SLC37A1: variants seen among roughly 807,000 people sequenced by gnomAD.
SLC37A1 encodes solute carrier family 37 member 1.
In SLC37A1, 49 loss-of-function variants were observed where a neutral mutation model predicts 75.3. The ratio of observed to expected loss-of-function variants is 0.65; its 90% CI spans 0.52 to 0.83. The LOEUF (loss-of-function observed/expected upper bound fraction) is 0.83, where lower values mean the gene tolerates loss of function less well. Ranked by LOEUF, SLC37A1 falls within the 40% of genes least tolerant of loss-of-function variation. The probability of loss-of-function intolerance (pLI) is 0.00; values close to 1 mark genes in which losing one functional copy is unlikely to be tolerated. For missense variants in SLC37A1, 566 were observed against 695.0 expected (o/e 0.81, Z 2.09); for synonymous variants, 268 against 292.1 (o/e 0.92, Z 0.84).
At chr21:42,554,251 T>A in intron 10 of SLC37A1, 109 bp downstream of exon 10, 1 of 927,660 alleles carries the variant, frequency 1.1e-6, no homozygotes, top group Non-Finnish European at 1.6e-6. Context: ...GTCACAAACA[T>A]CCAGGTCTTA....
upstream of SLC37A1, among the ~76,000 whole-genome samples, chr21:42,511,316 G>GT (rs2054430667): frequency 6.6e-6 from 1 of 152,110 alleles, no homozygotes; most frequent in East Asian, 1.9e-4. Flanking sequence ...ATACCAAAAC[G>GT]TATGGGATGC....
At chr21:42,507,332 G>A (rs901379797) in intron 2 of SLC37A1, among the ~76,000 whole-genome samples, 3 of 152,204 alleles carry the variant, frequency 2.0e-5, no homozygotes, top group Non-Finnish European at 2.9e-5. Flanking sequence ...CAGGGCATGC[G>A]CCTTCTGATG....
chr21:42,531,747 T>C (rs1601693108), intron 3 of SLC37A1, among the ~76,000 whole-genome samples: 1 of 151,376 alleles, frequency 6.6e-6, no homozygotes, highest in East Asian at 1.9e-4. Flanking sequence ...AACGCCACGT[T>C]TGGGGGATAA....
At chr21:42,567,284 A>G (rs1280931565) in intron 16 of SLC37A1, among the ~76,000 whole-genome samples, 1 of 152,218 alleles carries the variant, frequency 6.6e-6, no homozygotes, top group Non-Finnish European at 1.5e-5. Flanking sequence ...GCACAACAAA[A>G]GGCTCTTGGG....
At position 42,546,551 on chromosome 21, in the gene SLC37A1, C is replaced by T. The variant is rs115320962; in HGVS notation, c.731-552C>T. ...ATGCTCTGCTTGTGATTATTGGCCA[C>T]GCTGGGAAGTATTTTCCATATTTAA... On this transcript the variant is annotated intron_variant, in intron 8 of 19. Coordinates refer to ENST00000352133, the MANE Select transcript of SLC37A1 (RefSeq NM_001320537.2). 1.6e-3 allele frequency among the ~76,000 whole-genome samples: 248 copies of T among 152,288 alleles called. 3 individuals carry two copies. The highest frequency in any genetic ancestry group is 5.4e-3 in the African/African-American group (226 of 41,562).
At chr21:42,509,404 T>A (rs9984443), upstream of SLC37A1, 49,862 of 152,074 alleles carry the variant, frequency 0.33, 9,672 homozygotes, top group Admixed American at 0.54. This position sits in a 1 kb window ranked among gnomAD's most constrained non-coding sequence, Gnocchi z 4.2. Context: ...AGGAGGAGAA[T>A]TCTTTGGAGG....
Position 42,567,117 on chromosome 21 carries a change from A to G in SLC37A1, c.1344+59A>G, listed in dbSNP as rs1276821397. The G allele has an allele frequency of 2.5e-6, 4 of 1,571,846 alleles. No individual in the cohort carries two copies. The African/African-American group carries it at 5.4e-5, about 21-fold the overall frequency. ...GGCACCCTGCCATGTGCCATTCATGACAAAAGTGGCCTCCATTACTGTTAG... is the reference window on the plus strand; with the variant it reads ...GGCACCCTGCCATGTGCCATTCATGGCAAAAGTGGCCTCCATTACTGTTAG... On this transcript the variant is annotated intron_variant, in intron 16 of 19. Coordinates refer to ENST00000352133, the MANE Select transcript of SLC37A1 (RefSeq NM_001320537.2).
intron 6 of SLC37A1, among the ~76,000 whole-genome samples, chr21:42,540,576 C>T (rs909833653): frequency 2.0e-5 from 3 of 152,136 alleles, no homozygotes; most frequent in Non-Finnish European, 4.4e-5. Flanking sequence ...CTGAGGACAG[C>T]GCGCGCTGGC....
At chr21:42,574,054 C>T (rs2056252337) in intron 17 of SLC37A1, among the ~76,000 whole-genome samples, 2 of 152,120 alleles carry the variant, frequency 1.3e-5, no homozygotes, top group Admixed American at 1.3e-4. Context: ...CACATATATG[C>T]ACACACACAT....
intron 10 of SLC37A1, among the ~76,000 whole-genome samples, chr21:42,555,926 G>C (rs1386045344): frequency 6.6e-6 from 1 of 152,240 alleles, no homozygotes; most frequent in East Asian, 1.9e-4. Flanking sequence ...TCTTGGGTCA[G>C]GGTAGGCGGG....
rs1235379721 is a variant in SLC37A1 at position 42,543,419 on chromosome 21, G to A, written c.564-17G>A. On this transcript the variant is annotated splice_polypyrimidine_tract_variant and intron_variant, in intron 7 of 19. Transcript: ENST00000352133. The stretch of plus-strand genomic sequence containing the variant: ...TTCTCAGCTCCATCTTCTGTCTTCT[G>A]TTTTGTTGTGCTGCAGGAGAGGTTT... 3.7e-6 allele frequency: 6 copies of A among 1,614,188 alleles called. No individual in the cohort carries two copies. Among genetic ancestry groups the A allele is most frequent in the Non-Finnish European group, 5.1e-6 (6 of 1,180,018 alleles).
At chr21:42,573,675 A>G (rs1028617891) in intron 17 of SLC37A1, among the ~76,000 whole-genome samples, 4 of 152,208 alleles carry the variant, frequency 2.6e-5, no homozygotes, top group African/African-American at 9.7e-5. Context: ...AACACTTGAA[A>G]AAAACAAGTG....
Position 42,570,229 on chromosome 21 carries a change from CCATGT to C in SLC37A1, c.1423+1797_1423+1801del, listed in dbSNP as rs1416161692. On this transcript the variant is annotated intron_variant, in intron 17 of 19. Coordinates refer to ENST00000352133, the MANE Select transcript of SLC37A1 (RefSeq NM_001320537.2). ...GAAGCGGCAGGCAGGGTGGCCGTTGCCATGTCATGTGACACACGGCCTGGTTCTGA... is the reference window on the plus strand; with the variant it reads ...GAAGCGGCAGGCAGGGTGGCCGTTGCCATGTGACACACGGCCTGGTTCTGA... 4.4e-3 allele frequency among the ~76,000 whole-genome samples: 390 copies of C among 88,422 alleles called. 56 individuals carry two copies. The highest frequency in any genetic ancestry group is 0.017 in the South Asian group (47 of 2,766). 58.0% of individuals were successfully genotyped at this position (88,422 alleles called of 152,430 possible).
Position 42,567,070 on chromosome 21 carries a change from C to T in SLC37A1, c.1344+12C>T, listed in dbSNP as rs116431458. ...TCTCCGCCGACCTGGTGAGTAGAAC[C>T]GGGAGAGACACCAGCCCTGTGGGCA... On this transcript the variant is annotated intron_variant, in intron 16 of 19. Coordinates refer to ENST00000352133, the MANE Select transcript of SLC37A1 (RefSeq NM_001320537.2). 419 of 1,608,338 alleles carry T rather than the reference C, an allele frequency of 2.6e-4. No individual in the cohort carries two copies. In the African/African-American group the frequency reaches 3.3e-3, roughly 13 times the overall value.
intron 6 of SLC37A1, 36 bp downstream of exon 6, chr21:42,539,683 G>A (rs2055226129): frequency 1.9e-6 from 3 of 1,591,142 alleles, no homozygotes; most frequent in Admixed American, 1.8e-5. Context: ...CATGTACGGG[G>A]TTTCCTTGGT....
upstream of SLC37A1, among the ~76,000 whole-genome samples, chr21:42,511,078 CAT>C (rs1379084658): frequency 6.6e-6 from 1 of 152,178 alleles, no homozygotes; most frequent in African/African-American, 2.4e-5. Flanking sequence ...TAGGATAGAT[CAT>C]ATGTTAGGCC....
At chr21:42,511,725 A>C (rs1369018056), upstream of SLC37A1, among the ~76,000 whole-genome samples, 13 of 152,236 alleles carry the variant, frequency 8.5e-5, no homozygotes, top group Admixed American at 7.2e-4. Flanking sequence ...TCAAGGCTGC[A>C]GTGAGCCTTG....
At chr21:42,513,610 C>T (rs1433007830), upstream of SLC37A1, among the ~76,000 whole-genome samples, 1 of 151,624 alleles carries the variant, frequency 6.6e-6, no homozygotes, top group Admixed American at 6.6e-5. Context: ...CGTGCGCCCT[C>T]GGAGCCGGGG....
chr21:42,572,244 C>A (rs2056191391), intron 17 of SLC37A1, among the ~76,000 whole-genome samples: 1 of 151,302 alleles, frequency 6.6e-6, no homozygotes, highest in African/African-American at 2.4e-5. Flanking sequence ...TCTCTTAGAT[C>A]TCCAGGTTCC....
Sources: allele counts gnomAD v4.1 joint callset (sites outside exome capture counted in the v4.1 genomes callset), GRCh38; gene constraint gnomAD v4.1.1; non-coding constraint Gnocchi (gnomAD v3.1); transcripts MANE v1.5; gene names NCBI Gene and HGNC (gene_info 2026-07-23, HGNC 2026-07-21).